The following ANK2 variants were observed in gnomAD, a reference collection of about 807,000 sequenced individuals.
ANK2 encodes ankyrin 2, also known as ankyrin-2.
A neutral mutation model predicts 360.5 loss-of-function variants in ANK2; 83 were observed. That is an observed-to-expected ratio of 0.23 (90% CI 0.19 to 0.28). The LOEUF (loss-of-function observed/expected upper bound fraction) is 0.28. Among genes scored for constraint, ANK2 ranks in the 10% least tolerant of loss-of-function variants. The pLI is 1.00. For missense variants in ANK2, 4,201 were observed against 4,795.7 expected (o/e 0.88, Z 3.66); for synonymous variants, 1,740 against 1,759.5 (o/e 0.99, Z 0.28).
rs186743534 is a variant in ANK2 at position 112,833,957 on chromosome 4, A to G, written c.-40+15693A>G. Among the ~76,000 whole-genome samples, 988 of 152,336 alleles carry G rather than the reference A, an allele frequency of 6.5e-3. 9 individuals are homozygous for G. Among genetic ancestry groups the G allele is most frequent in the Non-Finnish European group, 0.01 (710 of 68,032 alleles). ...CATGTGTGCCTTCCGAGTATATTGT[A>G]TGACTATATATACATAGATATAACT... On this transcript the variant is annotated intron_variant, in intron 1 of 30. Coordinates refer to the ANK2 transcript ENST00000503271.
At chr4:112,940,878 A>G (rs1482230540) in intron 2 of ANK2, among the ~76,000 whole-genome samples, 1 of 152,124 alleles carries the variant, frequency 6.6e-6, no homozygotes, top group Non-Finnish European at 1.5e-5. Flanking sequence ...GTCAAAGAGT[A>G]TGATTTATTT....
At chr4:113,192,665 A>G (rs2098687421) in intron 2 of ANK2, among the ~76,000 whole-genome samples, 1 of 152,178 alleles carries the variant, frequency 6.6e-6, no homozygotes, top group South Asian at 2.1e-4. Flanking sequence ...TGAGAATTTT[A>G]GTGTCATCAT....
At chr4:113,063,332 A>G (rs1307134541) in intron 1 of ANK2, among the ~76,000 whole-genome samples, 3 of 152,150 alleles carry the variant, frequency 2.0e-5, no homozygotes, top group Non-Finnish European at 4.4e-5. Flanking sequence ...TATTAAAATA[A>G]GAAATTCTTG....
At chr4:113,093,668 C>T (rs6848104) in intron 1 of ANK2, among the ~76,000 whole-genome samples, 116,429 of 152,182 alleles carry the variant, frequency 0.77, 44,724 homozygotes, top group African/African-American at 0.79. Context: ...CTGTTTATTA[C>T]GCAATAATGC....
At chr4:113,242,482 C>A (rs1274751902) in intron 9 of ANK2, among the ~76,000 whole-genome samples, 1 of 152,106 alleles carries the variant, frequency 6.6e-6, no homozygotes, top group Non-Finnish European at 1.5e-5. Context: ...GACCAAAGAT[C>A]AAAGATTAGG....
the ANK2 span, among the ~76,000 whole-genome samples, chr4:112,711,743 C>A: frequency 2.6e-3 from 391 of 151,712 alleles, 5 homozygotes; most frequent in African/African-American, 9.0e-3. Flanking sequence ...TTGCTTGAAC[C>A]CAGGAGACGG....
intron 4 of ANK2, among the ~76,000 whole-genome samples, chr4:113,222,623 T>C (rs567459713): frequency 4.1e-4 from 62 of 152,246 alleles, no homozygotes; most frequent in South Asian, 1.2e-3. Context: ...GTCTCACCAC[T>C]TGGTGTCTCC....
the ANK2 span, among the ~76,000 whole-genome samples, chr4:112,775,547 GA>G: frequency 4.3e-3 from 81 of 18,934 alleles, no homozygotes; most frequent in African/African-American, 0.015. Flanking sequence ...ACACACACAA[GA>G]AAAAAAATTC....
intron 36 of ANK2, among the ~76,000 whole-genome samples, chr4:113,348,744 G>A (rs2095166073): frequency 6.6e-6 from 1 of 152,024 alleles, no homozygotes; most frequent in Non-Finnish European, 1.5e-5. Flanking sequence ...GTCTCCCAGA[G>A]GCTATACTAC....
intron 9 of ANK2, among the ~76,000 whole-genome samples, chr4:113,242,992 TATA>T (rs1187268715): frequency 6.6e-6 from 1 of 152,196 alleles, no homozygotes; most frequent in African/African-American, 2.4e-5. Context: ...AACTCTTAGG[TATA>T]TTATTTACCA....
chr4:112,836,607 G>A lies in ANK2; in HGVS notation c.-40+18343G>A, dbSNP rs147777339. Among the ~76,000 whole-genome samples the A allele has an allele frequency of 1.3e-3, 195 of 152,332 alleles. 1 individual carries two copies. In the East Asian group the frequency reaches 0.031, roughly 24 times the overall value. ...TGATATGGACAATGAAGTCCAGGCT[G>A]AGGTGGTCTCATATGGAGATGAGGA... On this transcript the variant is annotated intron_variant, in intron 1 of 30. Coordinates refer to the ANK2 transcript ENST00000503271.
rs142307449 is a variant in ANK2 at position 112,898,984 on chromosome 4, G to C, written c.-39-5471G>C. Among the ~76,000 whole-genome samples, 814 of 152,252 alleles carry C rather than the reference G, an allele frequency of 5.3e-3. 9 individuals are homozygous for C. The highest frequency in any genetic ancestry group is 0.019 in the African/African-American group (769 of 41,552). On this transcript the variant is annotated intron_variant, in intron 1 of 30. Coordinates refer to the ANK2 transcript ENST00000503271. ...AGGCAGTGAAAGAAATGACCACCGA[G>C]GAGGGTATTTCCAGCATTTCTAACA...
Position 113,381,568 on chromosome 4 carries a change from C to T in ANK2, c.*97C>T, listed in dbSNP as rs556427828. On this transcript the variant is annotated 3_prime_UTR_variant, in exon 46 of 46. Coordinates refer to ENST00000357077, the MANE Select transcript of ANK2 (RefSeq NM_001148.6). ...ATGTACCAGAAGCACTAGACCAGGA[C>T]GACCTCCAGCGCGATCTCCAGCAGC... 48 of 1,607,862 alleles carry T rather than the reference C, an allele frequency of 3.0e-5. No individual in the cohort carries two copies. In the African/African-American group the frequency reaches 4.3e-4, roughly 14 times the overall value.
intron 2 of ANK2, among the ~76,000 whole-genome samples, chr4:113,044,398 C>T (rs77422045): frequency 0.015 from 2,212 of 152,244 alleles, 25 homozygotes; most frequent in Non-Finnish European, 0.023. Context: ...TTCAACGTGG[C>T]GTACACTTCC....
Position 113,357,511 on chromosome 4 carries a change from A to G in ANK2, c.8893A>G (p.Thr2965Ala). The G allele has an allele frequency of 6.2e-7, 1 of 1,614,114 alleles. No homozygotes were observed. Among genetic ancestry groups the G allele is most frequent in the South Asian group, 1.1e-5 (1 of 91,082 alleles). Reference protein sequence around the residue: ...HSSEVYSVTITSPVEDVVVAS... With the variant: ...HSSEVYSVTIASPVEDVVVAS... ...TTCTGAAGTGTATTCTGTTACCATC[A>G]CATCCCCTGTTGAAGACGTTGTAGT... The change falls in exon 38 of 46, where the codon ACA becomes GCA. Residue 2965 changes from threonine (T) to alanine (A), a missense_variant. Thr to Ala is a moderately conservative substitution (Grantham distance 58). This residue lies in a region of ANK2 where 2,642 missense variants were observed against 2,714.5 expected (regional missense o/e 0.97). Coordinates refer to ENST00000357077, the MANE Select transcript of ANK2 (RefSeq NM_001148.6).
chr4:112,887,196 C>T (rs2078664405), intron 1 of ANK2, among the ~76,000 whole-genome samples: 1 of 152,152 alleles, frequency 6.6e-6, no homozygotes, highest in Admixed American at 6.5e-5. Flanking sequence ...TTTTTAGTTA[C>T]TGATGTATTT....
chr4:113,354,077 C>T lies in ANK2; in HGVS notation c.5459C>T (p.Pro1820Leu). The T allele has an allele frequency of 6.2e-7, 1 of 1,614,070 alleles. No individual in the cohort carries two copies. The highest frequency in any genetic ancestry group is 8.5e-7 in the Non-Finnish European group (1 of 1,179,984). The change falls in exon 38 of 46, where the codon CCA becomes CTA. Residue 1820 changes from proline (P) to leucine (L), a missense_variant. Physicochemically the swap from Pro to Leu is moderately conservative, Grantham distance 98. Coordinates refer to ENST00000357077, the MANE Select transcript of ANK2 (RefSeq NM_001148.6). ...TCTCTGAAGTCAGAGAGACATGCGCCAGGGTCTCCCTCCCCTAAAACAGAA... is the reference window on the plus strand; with the variant it reads ...TCTCTGAAGTCAGAGAGACATGCGCTAGGGTCTCCCTCCCCTAAAACAGAA... Reference protein sequence around the residue: ...SPSLKSERHAPGSPSPKTERH... With the variant: ...SPSLKSERHALGSPSPKTERH...
chr4:113,135,040 C>G (rs1448967893), intron 1 of ANK2, among the ~76,000 whole-genome samples: 1 of 152,144 alleles, frequency 6.6e-6, no homozygotes, highest in African/African-American at 2.4e-5. Context: ...GAATGGAGAG[C>G]TCCACCTGGG....
chr4:113,324,524 A>G (rs2088574338), intron 26 of ANK2, among the ~76,000 whole-genome samples: 1 of 152,196 alleles, frequency 6.6e-6, no homozygotes, highest in South Asian at 2.1e-4. Context: ...ATACATCCTT[A>G]TACTTTTTCT....
Sources: allele counts gnomAD v4.1 joint callset (sites outside exome capture counted in the v4.1 genomes callset), GRCh38; gene constraint gnomAD v4.1.1; regional missense constraint gnomAD v4.1.1; transcripts MANE v1.5; gene names NCBI Gene and HGNC (gene_info 2026-07-23, HGNC 2026-07-21).